FHOD3: variants seen among roughly 807,000 people sequenced by gnomAD.
FHOD3 encodes FH1/FH2 domain-containing protein 3.
FHOD3 carries 90 observed loss-of-function variants against 173.0 expected under a neutral mutation model. That is an observed-to-expected ratio of 0.52 (90% CI 0.44 to 0.62). The LOEUF is 0.62. Ranked by LOEUF, FHOD3 falls within the 20% of genes least tolerant of loss-of-function variation. FHOD3 has a pLI of 0.00. For synonymous variants in FHOD3, 828 were observed against 823.0 expected, an observed-to-expected ratio of 1.01 and a Z score of -0.10; for missense variants, 1,945 against 2,034.7, an observed-to-expected ratio of 0.96 and a Z score of 0.85.
chr18:36,311,790 C>T (rs1015683621), intron 1 of FHOD3, among the ~76,000 whole-genome samples: 3 of 152,320 alleles, frequency 2.0e-5, no homozygotes, highest in Admixed American at 1.3e-4. Flanking sequence ...TCCACCTGCA[C>T]CCACGTGCCC....
intron 1 of FHOD3, among the ~76,000 whole-genome samples, chr18:36,298,462 CT>C (rs1278816109): frequency 1.3e-5 from 2 of 152,198 alleles, no homozygotes; most frequent in Non-Finnish European, 2.9e-5. Flanking sequence ...TCCCTCAGGC[CT>C]CTGGGGCCGC....
At chr18:36,428,726 C>G (rs570537013) in intron 3 of FHOD3, among the ~76,000 whole-genome samples, 1 of 152,314 alleles carries the variant, frequency 6.6e-6, no homozygotes, top group South Asian at 2.1e-4. Flanking sequence ...TTGAACATGA[C>G]AGCAGAATGA....
chr18:36,356,705 G>A (rs1032266017), intron 2 of FHOD3, among the ~76,000 whole-genome samples: 4 of 151,220 alleles, frequency 2.6e-5, no homozygotes, highest in South Asian at 2.1e-4. Context: ...GTGTGATCTC[G>A]GCTCACTGCA....
chr18:36,658,139 A>G lies in FHOD3; in HGVS notation c.1786A>G (p.Thr596Ala), dbSNP rs1031496719. 3 of 1,593,048 alleles carry G rather than the reference A, an allele frequency of 1.9e-6. No individual in the cohort carries two copies. The highest frequency in any genetic ancestry group is 1.7e-4 in the Middle Eastern group (1 of 6,014). Residue 596 changes from threonine to alanine, a missense_variant, in exon 14 of 29, where the codon ACC becomes GCC. Physicochemically the swap from Thr to Ala is moderately conservative, Grantham distance 58. This residue lies in a region of FHOD3 where 1,099 missense variants were observed against 1,051.2 expected (regional missense o/e 1.05). Transcript: ENST00000590592. ...ACCCTCATCTGGATCCAGTGTGCCC[A>G]CCACCCCCACATCATCCGTCTCACC... ...SRPSSGSSVP[T>A]TPTSSVSPPQ... is the part of the protein sequence containing the mutation.
chr18:36,419,557 C>A (rs112629297), intron 3 of FHOD3, among the ~76,000 whole-genome samples: 64 of 152,100 alleles, frequency 4.2e-4, no homozygotes, highest in African/African-American at 1.5e-3. Flanking sequence ...CAATAGGAAC[C>A]CTGTAGCAAC....
At chr18:36,509,426 CAAAAAA>C in intron 4 of FHOD3, among the ~76,000 whole-genome samples, 1 of 54,854 alleles carries the variant, frequency 1.8e-5, no homozygotes, top group Non-Finnish European at 3.7e-5. Context: ...GACTCCATCT[CAAAAAA>C]AAAAAAAAAG....
At chr18:36,466,096 A>G (rs1378233609) in intron 3 of FHOD3, among the ~76,000 whole-genome samples, 2 of 152,172 alleles carry the variant, frequency 1.3e-5, no homozygotes, top group Non-Finnish European at 2.9e-5. Context: ...TACTGAATAA[A>G]TAAATACATG....
At chr18:36,660,844 T>G (rs776183955) in intron 14 of FHOD3, among the ~76,000 whole-genome samples, 1 of 152,272 alleles carries the variant, frequency 6.6e-6, no homozygotes, top group East Asian at 1.9e-4. Flanking sequence ...GGAACAGCAG[T>G]GGTGGGATGA....
chr18:36,366,485 G>A (rs555149184), intron 2 of FHOD3, among the ~76,000 whole-genome samples: 1 of 152,316 alleles, frequency 6.6e-6, no homozygotes, highest in Non-Finnish European at 1.5e-5. Flanking sequence ...CACACCCTCA[G>A]GAGAAGGTAG....
At chr18:36,499,153 G>C (rs1264478485) in intron 3 of FHOD3, among the ~76,000 whole-genome samples, 1 of 152,216 alleles carries the variant, frequency 6.6e-6, no homozygotes, top group East Asian at 1.9e-4. Context: ...ACCTAGGCTG[G>C]AGTGCGGTGA....
intron 5 of FHOD3, among the ~76,000 whole-genome samples, chr18:36,560,262 G>C (rs1241237996): frequency 6.6e-6 from 1 of 152,200 alleles, no homozygotes; most frequent in Non-Finnish European, 1.5e-5. Context: ...CCATTCTCAA[G>C]CAAGCTTATA....
chr18:36,666,639 A>G (rs2037200186), intron 14 of FHOD3, among the ~76,000 whole-genome samples: 2 of 152,252 alleles, frequency 1.3e-5, no homozygotes, highest in African/African-American at 4.8e-5. Flanking sequence ...ATATTTTATG[A>G]ACTTAGTTTT....
chr18:36,640,115 G>C (rs758419964), intron 10 of FHOD3, among the ~76,000 whole-genome samples: 2 of 152,120 alleles, frequency 1.3e-5, no homozygotes, highest in Non-Finnish European at 2.9e-5. Context: ...CCAGCTTCTT[G>C]GGTATATTAG....
intron 27 of FHOD3, among the ~76,000 whole-genome samples, chr18:36,764,133 C>T (rs528347837): frequency 1.3e-5 from 2 of 152,072 alleles, no homozygotes; most frequent in South Asian, 2.1e-4. Flanking sequence ...TCTTCTTGAC[C>T]AGTGCTGTCT....
chr18:36,713,569 A>G (rs113575404), intron 18 of FHOD3, among the ~76,000 whole-genome samples: 1 of 152,342 alleles, frequency 6.6e-6, no homozygotes, highest in African/African-American at 2.4e-5. Context: ...TTGAAAGAAA[A>G]AATAAGATGT....
intron 19 of FHOD3, among the ~76,000 whole-genome samples, chr18:36,725,557 T>C (rs1244325470): frequency 2.0e-5 from 3 of 152,142 alleles, no homozygotes; most frequent in Non-Finnish European, 4.4e-5. Context: ...GTCTTGAGAC[T>C]CCAGGCAGCA....
At chr18:36,558,605 T>A (rs1442710888) in intron 5 of FHOD3, among the ~76,000 whole-genome samples, 1 of 152,186 alleles carries the variant, frequency 6.6e-6, no homozygotes, top group Non-Finnish European at 1.5e-5. Context: ...AGATGTTACA[T>A]ACACAACATT....
chr18:36,632,770 C>T (rs1259360400), intron 10 of FHOD3, among the ~76,000 whole-genome samples: 1 of 151,994 alleles, frequency 6.6e-6, no homozygotes, highest in African/African-American at 2.4e-5. Flanking sequence ...TTAGCAGTGG[C>T]GAATCTATAC....
chr18:36,406,119 T>C (rs149532183), intron 3 of FHOD3, among the ~76,000 whole-genome samples: 1 of 152,302 alleles, frequency 6.6e-6, no homozygotes, highest in Non-Finnish European at 1.5e-5. Context: ...GTTTTTGTTT[T>C]TTTAAAGCAA....
Sources: allele counts gnomAD v4.1 joint callset (sites outside exome capture counted in the v4.1 genomes callset), GRCh38; gene constraint gnomAD v4.1.1; regional missense constraint gnomAD v4.1.1; transcripts MANE v1.5; gene names NCBI Gene and HGNC (gene_info 2026-07-23, HGNC 2026-07-21).